CFAP61: variants seen among roughly 807,000 people sequenced by gnomAD.
CFAP61 encodes the protein cilia- and flagella-associated protein 61.
CFAP61 carries 107 observed loss-of-function variants against 135.6 expected under a neutral mutation model. That is an observed-to-expected ratio of 0.79 (90% CI 0.67 to 0.93). CFAP61 has a LOEUF of 0.93. CFAP61 is among the 40% of genes least tolerant of loss of function. The pLI is 0.00. For missense variants in CFAP61, 1,507 were observed against 1,556.2 expected, an observed-to-expected ratio of 0.97 and a Z score of 0.53; for synonymous variants, 575 against 578.5, an observed-to-expected ratio of 0.99 and a Z score of 0.09.
At chr20:20,151,070 C>T (rs1196980865) in intron 9 of CFAP61, among the ~76,000 whole-genome samples, 5 of 151,830 alleles carry the variant, frequency 3.3e-5, no homozygotes, top group Non-Finnish European at 7.4e-5. Context: ...CTCTGAATTG[C>T]CAGATAAAGA....
chr20:20,207,537 TGGCCGTGGCAGCTAAGTGGC>T (rs2056912303), intron 17 of CFAP61, among the ~76,000 whole-genome samples: 3 of 152,198 alleles, frequency 2.0e-5, no homozygotes, highest in Non-Finnish European at 4.4e-5. Context: ...AGGCAGAAAC[TGGCCGTGGCAGCTAAGTGGC>T]TTCTTCAGAA....
In CFAP61 at chr20:20,290,308, C is replaced by T; in HGVS notation, c.3133C>T (p.Leu1045Phe). Residue 1045 changes from leucine (L) to phenylalanine (F), a missense_variant, in exon 24 of 27, where the codon CTT (leucine) becomes TTT (phenylalanine). Coordinates refer to ENST00000245957, the MANE Select transcript of CFAP61 (RefSeq NM_015585.4). ...CTTGCCATCTCTTCTAGGGGGCATT[C>T]TTCCTGGGTCTTACCATTATCTGCA... ...YKGAKIQGGILPGSYHYLHIA... is the reference protein window; with the variant it reads ...YKGAKIQGGIFPGSYHYLHIA... 6.2e-7 allele frequency: 1 copy of T among 1,610,942 alleles called. No homozygotes were observed. The highest frequency in any genetic ancestry group is 8.5e-7 in the Non-Finnish European group (1 of 1,177,026).
intron 9 of CFAP61, among the ~76,000 whole-genome samples, chr20:20,148,199 T>C (rs981688863): frequency 6.6e-6 from 1 of 152,238 alleles, no homozygotes; most frequent in African/African-American, 2.4e-5. Flanking sequence ...GCCTCCAGAT[T>C]TGTTCTTTTT....
intron 7 of CFAP61, among the ~76,000 whole-genome samples, chr20:20,097,351 C>T (rs1168744607): frequency 6.6e-6 from 1 of 152,156 alleles, no homozygotes. Flanking sequence ...TCTAATCAGT[C>T]AACCAGAATT....
chr20:20,075,070 G>A, intron 4 of CFAP61, 119 bp from the exon 5 acceptor site: 1 of 879,512 alleles, frequency 1.1e-6, no homozygotes, highest in South Asian at 1.4e-5. Context: ...GGGAGCAAAG[G>A]AGCCCATGTG....
chr20:20,164,283 T>C, intron 11 of CFAP61, 55 bp downstream of exon 11: 4 of 1,524,610 alleles, frequency 2.6e-6, no homozygotes, highest in Non-Finnish European at 3.6e-6. Flanking sequence ...CTGGCATTGG[T>C]GGCCCAACAT....
At chr20:20,353,134 T>C (rs2058907452) in intron 26 of CFAP61, among the ~76,000 whole-genome samples, 1 of 152,148 alleles carries the variant, frequency 6.6e-6, no homozygotes, top group Non-Finnish European at 1.5e-5. Flanking sequence ...CATCCTTTCG[T>C]TGTAACATTG....
In CFAP61 at chr20:20,319,276, G is replaced by T. The variant is rs577778859; in HGVS notation, c.3422+20890G>T. ...AGAATCAAACTGGTGTCAGATTTTT[G>T]AATAGCAACCTCAGAACCTAAGAGA... is the stretch of plus-strand genomic sequence containing the variant. On this transcript the variant is annotated intron_variant, in intron 25 of 26. Transcript: ENST00000245957. Among the ~76,000 whole-genome samples the T allele has an allele frequency of 1.3e-3, 195 of 152,318 alleles. 1 individual carries two copies. Among genetic ancestry groups the T allele is most frequent in the African/African-American group, 3.8e-3 (157 of 41,552 alleles).
chr20:20,097,634 T>C (rs909428990), intron 7 of CFAP61, among the ~76,000 whole-genome samples: 5 of 152,226 alleles, frequency 3.3e-5, no homozygotes, highest in African/African-American at 9.6e-5. Context: ...CTCGCCTATG[T>C]ATTACTCATC....
chr20:20,190,678 C>G (rs924542034), intron 14 of CFAP61, among the ~76,000 whole-genome samples: 2 of 152,032 alleles, frequency 1.3e-5, no homozygotes, highest in Non-Finnish European at 2.9e-5. Context: ...TTAAGGGATA[C>G]TGAACAAAGT....
intron 18 of CFAP61, among the ~76,000 whole-genome samples, chr20:20,235,265 T>C (rs2049493521): frequency 6.6e-6 from 1 of 152,124 alleles, no homozygotes; most frequent in African/African-American, 2.4e-5. Flanking sequence ...CCTCCTTTCT[T>C]GAGACTCCCA....
intron 13 of CFAP61, among the ~76,000 whole-genome samples, chr20:20,182,489 A>G (rs2055176847): frequency 6.6e-6 from 1 of 151,964 alleles, no homozygotes; most frequent in African/African-American, 2.4e-5. Flanking sequence ...TCTGGAGTCA[A>G]TAGCAGTTCA....
chr20:20,198,806 C>T (rs569829779), intron 16 of CFAP61, among the ~76,000 whole-genome samples: 2 of 152,154 alleles, frequency 1.3e-5, no homozygotes, highest in African/African-American at 4.8e-5. Context: ...TTAGAAGGGC[C>T]GGGGCTATTT....
At position 20,244,845 on chromosome 20, in the gene CFAP61, C is replaced by T. The variant is rs971842366; in HGVS notation, c.2061-1272C>T. ...ATGCCTTTAACAGCACACACATCAC[C>T]TCTTGAATGCTTTGCTGCTTAGAAA... is the stretch of plus-strand genomic sequence containing the variant. On this transcript the variant is annotated intron_variant, in intron 18 of 26. Coordinates refer to ENST00000245957, the MANE Select transcript of CFAP61 (RefSeq NM_015585.4). Among the ~76,000 whole-genome samples the T allele has an allele frequency of 4.6e-5, 7 of 152,356 alleles. 1 individual carries two copies. The East Asian group carries it at 1.3e-3, about 29-fold the overall frequency.
intron 25 of CFAP61, among the ~76,000 whole-genome samples, chr20:20,315,670 G>A (rs1173599369): frequency 6.6e-6 from 1 of 152,002 alleles, no homozygotes; most frequent in Non-Finnish European, 1.5e-5. Context: ...TATGGTTTTA[G>A]GTCTAACGTT....
At chr20:20,056,020 A>G in intron 1 of CFAP61, 2 of 1,602,102 alleles carry the variant, frequency 1.2e-6, no homozygotes, top group Non-Finnish European at 1.7e-6. Context: ...GTCATTAGAG[A>G]TTCTCTTCCC....
intron 25 of CFAP61, among the ~76,000 whole-genome samples, chr20:20,315,561 T>G (rs2057080441): frequency 6.6e-6 from 1 of 151,774 alleles, no homozygotes; most frequent in South Asian, 2.1e-4. Flanking sequence ...ATTTGTCAAT[T>G]TTGGCTTTTG....
intron 26 of CFAP61, 125 bp from the exon 27 acceptor site, chr20:20,360,085 A>C: frequency 1.4e-6 from 1 of 732,264 alleles, no homozygotes; most frequent in South Asian, 1.7e-5. Flanking sequence ...AATTTTCAAA[A>C]GCTAGAAAAA....
chr20:20,360,513 C>A lies in CFAP61; in HGVS notation c.*103C>A. On this transcript the variant is annotated 3_prime_UTR_variant, in exon 27 of 27. Coordinates refer to ENST00000245957, the MANE Select transcript of CFAP61 (RefSeq NM_015585.4). ...TCTGCAGCCTGGTTTGACAGCGAAG[C>A]CAGCCCCTGGTGGTTTTGTTCATTC... is the stretch of plus-strand genomic sequence containing the variant. 1 of 1,060,108 alleles carries A rather than the reference C, an allele frequency of 9.4e-7. No individual in the cohort carries two copies. The highest frequency in any genetic ancestry group is 1.4e-6 in the Non-Finnish European group (1 of 715,330). The allele number at this position is 1,060,108 out of a possible 1,614,324, so 65.7% of individuals were successfully genotyped here.
Sources: gnomAD v4.1 joint callset for allele counts (sites outside exome capture counted in the v4.1 genomes callset) on GRCh38, gnomAD v4.1.1 for gene constraint, MANE v1.5 for transcripts, NCBI Gene and HGNC (gene_info 2026-07-23, HGNC 2026-07-21) for gene names.